LIPA: variants seen among roughly 807,000 people sequenced by gnomAD.
LIPA encodes the protein lysosomal acid lipase/cholesteryl ester hydrolase.
Under a neutral mutation model 40.6 loss-of-function variants are expected in LIPA, and 26 were observed. That is an observed-to-expected ratio of 0.64 (90% CI 0.47 to 0.89). The LOEUF (loss-of-function observed/expected upper bound fraction) is 0.89. Among genes scored for constraint, LIPA ranks in the 40% least tolerant of loss-of-function variants. LIPA has a pLI of 0.00. For missense variants in LIPA, 455 were observed against 479.6 expected (o/e 0.95, Z 0.48); for synonymous variants, 188 against 168.4 (o/e 1.12, Z -0.90).
rs760221407 is a variant in LIPA at position 89,363,774 on chromosome 10, C to CAA, written c.61+49015_61+49016dup. Among the ~76,000 whole-genome samples, 642 of 93,024 alleles carry CAA rather than the reference C, an allele frequency of 6.9e-3. 25 individuals are homozygous for CAA. The highest frequency in any genetic ancestry group is 0.013 in the African/African-American group (325 of 24,428). 61.0% of individuals were successfully genotyped at this position (93,024 alleles called of 152,430 possible). A position where few individuals can be genotyped will look rare whatever the true frequency, so the allele number is the denominator to read the frequency against. ...CCTGGGCAACAGAGCCAGACTCCAT[C>CAA]AAAAAAAAAAAAAAAAAAGCGAGGG... On this transcript the variant is annotated intron_variant, in intron 2 of 8. Coordinates refer to the LIPA transcript ENST00000371837.
intron 2 of LIPA, among the ~76,000 whole-genome samples, chr10:89,370,392 G>C (rs1564801420): frequency 6.8e-6 from 1 of 147,942 alleles, no homozygotes; most frequent in East Asian, 2.0e-4. Flanking sequence ...ATCGGGCTAA[G>C]TTTTTTTTTT....
chr10:89,405,373 A>AT (rs1328221400), intron 2 of LIPA: 3 of 152,254 alleles, frequency 2.0e-5, no homozygotes, highest in Non-Finnish European at 4.4e-5. Flanking sequence ...AAGGCACAAC[A>AT]AATAATAAGA....
chr10:89,332,033 A>T (rs6586184), intron 1 of LIPA, among the ~76,000 whole-genome samples: 1 of 151,878 alleles, frequency 6.6e-6, no homozygotes, highest in South Asian at 2.1e-4. Context: ...GAGTTCGAGA[A>T]CAGCCTGACC....
chr10:89,227,529 G>A (rs552956992), intron 4 of LIPA, among the ~76,000 whole-genome samples: 16 of 152,304 alleles, frequency 1.1e-4, no homozygotes, highest in South Asian at 1.0e-3. Context: ...AAGCAAGCCC[G>A]GAGGCTGCTA....
chr10:89,230,105 G>A (rs1024627177), intron 3 of LIPA, among the ~76,000 whole-genome samples: 1 of 152,020 alleles, frequency 6.6e-6, no homozygotes, highest in Admixed American at 6.5e-5. Flanking sequence ...ACAAAGATGT[G>A]GGAGCCAAAG....
chr10:89,320,500 C>G (rs1265271711), intron 1 of LIPA, among the ~76,000 whole-genome samples: 2 of 152,136 alleles, frequency 1.3e-5, no homozygotes, highest in East Asian at 3.8e-4. Flanking sequence ...ACCCAGGAAT[C>G]CAACTTACAA....
At chr10:89,230,400 G>A (rs1245660368) in intron 3 of LIPA, among the ~76,000 whole-genome samples, 2 of 152,102 alleles carry the variant, frequency 1.3e-5, no homozygotes, top group Non-Finnish European at 2.9e-5. Flanking sequence ...TCCACCTTCT[G>A]GGCTCAAGTG....
intron 8 of LIPA, among the ~76,000 whole-genome samples, chr10:89,218,310 G>T (rs1363703895): frequency 1.3e-5 from 2 of 152,156 alleles, no homozygotes; most frequent in African/African-American, 4.8e-5. Context: ...AAGGACAGAT[G>T]ATTTATGACT....
chr10:89,272,769 A>G (rs1400511816), intron 1 of LIPA, among the ~76,000 whole-genome samples: 2 of 152,074 alleles, frequency 1.3e-5, no homozygotes, highest in African/African-American at 2.4e-5. Flanking sequence ...TTATTTTTGG[A>G]CGTTTTATTA....
chr10:89,323,215 A>AT (rs1564785862), intron 1 of LIPA, among the ~76,000 whole-genome samples: 2 of 152,218 alleles, frequency 1.3e-5, no homozygotes, highest in African/African-American at 4.8e-5. Flanking sequence ...ATAGATACAG[A>AT]AAAGGCTTTT....
At chr10:89,310,942 T>TATAGTAA (rs2133526200) in intron 1 of LIPA, among the ~76,000 whole-genome samples, 1 of 152,228 alleles carries the variant, frequency 6.6e-6, no homozygotes, top group Admixed American at 6.5e-5. Flanking sequence ...TGTAAAAATA[T>TATAGTAA]ATAGTAAATT....
rs78301199 is a variant in LIPA, at chr10:89,396,675, G to A, written c.61+16116C>T. Among the ~76,000 whole-genome samples, 162 of 152,296 alleles carry A rather than the reference G, an allele frequency of 1.1e-3. No individual in the cohort carries two copies. In the East Asian group the frequency reaches 0.014, roughly 13 times the overall value. ...TTGTGACACTAGAGATCAAATTTCC[G>A]TAGATTTGGTGGGGACAATCAAACT... On this transcript the variant is annotated intron_variant, in intron 2 of 8. Transcript: ENST00000371837.
At chr10:89,263,033 G>A (rs1843218921) in intron 1 of LIPA, among the ~76,000 whole-genome samples, 1 of 152,204 alleles carries the variant, frequency 6.6e-6, no homozygotes, top group Non-Finnish European at 1.5e-5. Context: ...ATTCCATCAA[G>A]TCTTCATGAA....
At chr10:89,359,995 T>C (rs1844012582) in intron 2 of LIPA, among the ~76,000 whole-genome samples, 1 of 152,198 alleles carries the variant, frequency 6.6e-6, no homozygotes. Context: ...TTATAACTCT[T>C]ACTGGGTCAT....
Position 89,222,586 on chromosome 10 carries a change from C to A in LIPA, c.823-4G>T. On this transcript the variant is annotated splice_region_variant and splice_polypyrimidine_tract_variant and intron_variant, in intron 7 of 9. Transcript: ENST00000336233. Reference sequence around the variant, plus strand: ...TTGTATATACATCCACTCTAGACTGCAAAATAAATACATTGAAATGAAGAA... The same window carrying A: ...TTGTATATACATCCACTCTAGACTGAAAAATAAATACATTGAAATGAAGAA... The A allele has an allele frequency of 1.3e-6, 2 of 1,537,312 alleles. No homozygotes were observed. The highest frequency in any genetic ancestry group is 1.4e-5 in the African/African-American group (1 of 73,510).
intron 1 of LIPA, among the ~76,000 whole-genome samples, chr10:89,248,949 AAG>A (rs1247998115): frequency 6.6e-6 from 1 of 152,192 alleles, no homozygotes; most frequent in East Asian, 1.9e-4. Flanking sequence ...GAGAAAAAGA[AAG>A]AGACACAAAA....
At chr10:89,323,302 G>C (rs567704216) in intron 1 of LIPA, among the ~76,000 whole-genome samples, 97 of 152,034 alleles carry the variant, frequency 6.4e-4, no homozygotes, top group African/African-American at 2.3e-3. Context: ...CAGATAATAA[G>C]AGCCATCTAT....
At chr10:89,378,119 G>T (rs754431990) in intron 2 of LIPA, 1 of 1,613,782 alleles carries the variant, frequency 6.2e-7, no homozygotes, top group South Asian at 1.1e-5. Context: ...CAGATCACCT[G>T]CTATCTTCAT....
At chr10:89,233,319 T>C (rs527908191) in intron 3 of LIPA, among the ~76,000 whole-genome samples, 1 of 152,320 alleles carries the variant, frequency 6.6e-6, no homozygotes, top group Non-Finnish European at 1.5e-5. Context: ...CACTGTTTTC[T>C]CATGGGAAAT....
Sources: gnomAD v4.1 joint callset for allele counts (sites outside exome capture counted in the v4.1 genomes callset) on GRCh38, gnomAD v4.1.1 for gene constraint, MANE v1.5 for transcripts, NCBI Gene and HGNC (gene_info 2026-07-23, HGNC 2026-07-21) for gene names.